The following BMERB1 variants were observed in gnomAD, a reference collection of about 807,000 sequenced individuals.
BMERB1 encodes bMERB domain-containing protein 1.
In BMERB1, 12 loss-of-function variants were observed where a neutral mutation model predicts 23.6. The observed-to-expected ratio is 0.51, with a 90% CI of 0.33 to 0.82. BMERB1 has a LOEUF of 0.82. Among genes scored for constraint, BMERB1 ranks in the 40% least tolerant of loss-of-function variants. The pLI, the probability that BMERB1 is intolerant of heterozygous loss-of-function variation, is 0.03. For synonymous variants in BMERB1, 122 were observed against 96.6 expected, an observed-to-expected ratio of 1.26 and a Z score of -1.54; for missense variants, 247 against 255.4, an observed-to-expected ratio of 0.97 and a Z score of 0.22.
intron 5 of BMERB1, 27 bp downstream of exon 5, chr16:15,583,265 TC>T (rs1296707045): frequency 2.6e-6 from 4 of 1,519,824 alleles, no homozygotes; most frequent in Admixed American, 1.7e-5. Context: ...TTCATTCCCC[TC>T]CCCCACAAAA....
At chr16:15,466,281 A>G (rs992437909) in intron 1 of BMERB1, among the ~76,000 whole-genome samples, 4 of 152,152 alleles carry the variant, frequency 2.6e-5, no homozygotes, top group African/African-American at 9.7e-5. Context: ...TGCCAATCTG[A>G]TGGATGTAAA....
At chr16:15,469,104 C>T (rs1322739759) in intron 1 of BMERB1, among the ~76,000 whole-genome samples, 1 of 151,490 alleles carries the variant, frequency 6.6e-6, no homozygotes, top group Non-Finnish European at 1.5e-5. Flanking sequence ...GCTGGGACTA[C>T]AAGTGCGTGC....
chr16:15,441,720 T>A (rs1042898204), intron 1 of BMERB1, among the ~76,000 whole-genome samples: 11 of 152,014 alleles, frequency 7.2e-5, no homozygotes, highest in African/African-American at 2.7e-4. Flanking sequence ...GGGGTTTTGC[T>A]GTGTTTCCAG....
intron 1 of BMERB1, among the ~76,000 whole-genome samples, chr16:15,468,964 A>AC (rs2051206750): frequency 7.4e-6 from 1 of 135,724 alleles, no homozygotes; most frequent in African/African-American, 2.9e-5. Flanking sequence ...TCATCTTCAC[A>AC]CTTTTTTTTT....
chr16:15,448,988 A>G (rs551876865), intron 1 of BMERB1, among the ~76,000 whole-genome samples: 1 of 152,148 alleles, frequency 6.6e-6, no homozygotes, highest in Non-Finnish European at 1.5e-5. Context: ...TACACACCTT[A>G]AATTTTTGAT....
rs1434710729 is a variant in BMERB1, at chr16:15,587,654, CCA to C, written c.*828_*829del. 5.4e-5 allele frequency: 18 copies of C among 332,542 alleles called. No homozygotes were observed. The highest frequency in any genetic ancestry group is 2.9e-4 in the Admixed American group (9 of 30,614). 20.6% of individuals were successfully genotyped at this position (332,542 alleles called of 1,614,324 possible). A position where few individuals can be genotyped will look rare whatever the true frequency, so the allele number is the denominator to read the frequency against. On this transcript the variant is annotated 3_prime_UTR_variant, in exon 6 of 6. Transcript: ENST00000300006. ...TGGGCACTCCACCATTCCGGGGCCA[CCA>C]CAGAGATGCCAGCAGGATGCCACTT...
chr16:15,459,702 C>CA (rs1386103769), intron 1 of BMERB1, among the ~76,000 whole-genome samples: 1 of 152,156 alleles, frequency 6.6e-6, no homozygotes, highest in Non-Finnish European at 1.5e-5. Flanking sequence ...GGAACCTCTC[C>CA]AGATTCTTTA....
intron 2 of BMERB1, among the ~76,000 whole-genome samples, chr16:15,550,314 G>C (rs1418165098): frequency 6.6e-6 from 1 of 151,306 alleles, no homozygotes; most frequent in Non-Finnish European, 1.5e-5. Context: ...ACCATTCCCT[G>C]CCATCCCTAA....
chr16:15,503,549 C>T (rs543437843), intron 1 of BMERB1, among the ~76,000 whole-genome samples: 10 of 151,624 alleles, frequency 6.6e-5, no homozygotes, highest in East Asian at 1.9e-4. Flanking sequence ...CCATCCACCT[C>T]GGCCTCCCAA....
intron 1 of BMERB1, among the ~76,000 whole-genome samples, chr16:15,439,134 A>G (rs570382744): frequency 2.0e-4 from 31 of 152,296 alleles, no homozygotes; most frequent in South Asian, 8.3e-4. Flanking sequence ...TTAAATTTCA[A>G]CTATAGTTTT....
intron 2 of BMERB1, among the ~76,000 whole-genome samples, chr16:15,528,278 C>T (rs532939809): frequency 2.0e-5 from 3 of 152,060 alleles, no homozygotes; most frequent in African/African-American, 4.8e-5. Flanking sequence ...GGAAGGGCAC[C>T]GTCTTCTCAC....
At chr16:15,569,899 G>C (rs555036495) in intron 3 of BMERB1, among the ~76,000 whole-genome samples, 1 of 152,110 alleles carries the variant, frequency 6.6e-6, no homozygotes, top group Non-Finnish European at 1.5e-5. Context: ...TAACATGGGG[G>C]CCTTTTATTA....
At chr16:15,497,527 A>G (rs1048869516) in intron 1 of BMERB1, among the ~76,000 whole-genome samples, 9 of 152,210 alleles carry the variant, frequency 5.9e-5, no homozygotes, top group East Asian at 1.9e-4. Flanking sequence ...CTATGGGACT[A>G]CTTGTGTTGG....
chr16:15,578,339 C>G (rs1293872736), intron 3 of BMERB1, among the ~76,000 whole-genome samples: 1 of 151,530 alleles, frequency 6.6e-6, no homozygotes, highest in African/African-American at 2.4e-5. Flanking sequence ...GCTGGGATTA[C>G]AGGTTCAGGC....
intron 2 of BMERB1, among the ~76,000 whole-genome samples, chr16:15,567,764 A>G (rs893373815): frequency 3.3e-5 from 5 of 151,918 alleles, no homozygotes; most frequent in African/African-American, 9.7e-5. Context: ...CTCTGTCACA[A>G]ACAAACAAAC....
chr16:15,468,135 C>CTTTT lies in BMERB1; in HGVS notation c.106+33401_106+33404dup, dbSNP rs749534588. On this transcript the variant is annotated intron_variant, in intron 1 of 5. Transcript: ENST00000300006. Reference sequence around the variant, plus strand: ...TTCTTTTCTTTCTTTCTTTCTTCTTCTTTTTTTTTTTTTTTTTTTTTTTTT... The same window carrying CTTTT: ...TTCTTTTCTTTCTTTCTTTCTTCTTCTTTTTTTTTTTTTTTTTTTTTTTTTTTTT... Among the ~76,000 whole-genome samples the CTTTT allele has an allele frequency of 1.6e-4, 5 of 31,046 alleles. 1 individual carries two copies. Among genetic ancestry groups the CTTTT allele is most frequent in the African/African-American group, 4.3e-4 (5 of 11,592 alleles). 20.4% of individuals were successfully genotyped at this position (31,046 alleles called of 152,430 possible).
intron 1 of BMERB1, among the ~76,000 whole-genome samples, chr16:15,463,196 A>G (rs2051151084): frequency 6.6e-6 from 1 of 151,382 alleles, no homozygotes; most frequent in Non-Finnish European, 1.5e-5. Context: ...CTCTCACCTC[A>G]GCCTCCTGAG....
intron 1 of BMERB1, among the ~76,000 whole-genome samples, chr16:15,443,597 G>A (rs1350809581): frequency 6.6e-6 from 1 of 151,958 alleles, no homozygotes; most frequent in South Asian, 2.1e-4. Flanking sequence ...TTATAAAGCA[G>A]TATAATGAAA....
intron 2 of BMERB1, among the ~76,000 whole-genome samples, chr16:15,518,967 C>A (rs1007650881): frequency 3.3e-5 from 5 of 152,116 alleles, no homozygotes; most frequent in African/African-American, 4.8e-5. Flanking sequence ...TTCCTCACAA[C>A]GTCTTCCCAG....
Sources: allele counts gnomAD v4.1 joint callset (sites outside exome capture counted in the v4.1 genomes callset), GRCh38; gene constraint gnomAD v4.1.1; transcripts MANE v1.5; gene names NCBI Gene and HGNC (gene_info 2026-07-23, HGNC 2026-07-21).